RHBDD2: variants seen among roughly 807,000 people sequenced by gnomAD.
The protein encoded by RHBDD2 is rhomboid domain-containing protein 2.
A neutral mutation model predicts 21.7 loss-of-function variants in RHBDD2; 13 were observed. The ratio of observed to expected loss-of-function variants is 0.60; its 90% CI spans 0.39 to 0.95. The LOEUF (loss-of-function observed/expected upper bound fraction) is 0.95. Ranked by LOEUF, RHBDD2 falls within the 40% of genes least tolerant of loss-of-function variation. The pLI is 0.00. For missense variants in RHBDD2, 473 were observed against 478.9 expected (o/e 0.99, Z 0.11); for synonymous variants, 225 against 220.0 (o/e 1.02, Z -0.20).
rs371344778 is a variant in RHBDD2, at chr7:75,883,792, C to A, written c.681C>A (p.Ser227=). The A allele has an allele frequency of 6.2e-7, 1 of 1,613,872 alleles. No individual in the cohort carries two copies. Among genetic ancestry groups the A allele is most frequent in the Admixed American group, 1.7e-5 (1 of 59,966 alleles). Residue 227 remains serine, a synonymous_variant, in exon 3 of 4, where the codon TCC becomes TCA. Transcript: ENST00000006777. The stretch of plus-strand genomic sequence containing the variant: ...CCTTCAGCCTGATGAGGAGGATATC[C>A]GTGTTCAAGTACGTCTCAGGGTCTT... ...TFPFSLMRRI[S]VFKYVSGSSA...
intron 3 of RHBDD2, among the ~76,000 whole-genome samples, chr7:75,887,639 T>C (rs1805760012): frequency 6.6e-6 from 1 of 152,038 alleles, no homozygotes; most frequent in African/African-American, 2.4e-5. Flanking sequence ...CCGTTCTCTT[T>C]GGGCAGAATT....
chr7:75,885,994 G>T (rs1805642142), intron 3 of RHBDD2, among the ~76,000 whole-genome samples: 1 of 152,128 alleles, frequency 6.6e-6, no homozygotes, highest in African/African-American at 2.4e-5. Flanking sequence ...AGCCTCCCAA[G>T]TACTTGGAAT....
intron 1 of RHBDD2, among the ~76,000 whole-genome samples, chr7:75,880,873 A>G (rs782664453): frequency 5.3e-5 from 8 of 152,112 alleles, no homozygotes; most frequent in Admixed American, 2.6e-4. Flanking sequence ...CTACAAGTAC[A>G]CATCATCACA....
Position 75,879,605 on chromosome 7 carries a change from C to T in RHBDD2, c.178+345C>T, listed in dbSNP as rs1219881379. Among the ~76,000 whole-genome samples the T allele has an allele frequency of 2.6e-5, 4 of 152,248 alleles. No homozygotes were observed. In the South Asian group the frequency reaches 8.3e-4, roughly 32 times the overall value. On this transcript the variant is annotated intron_variant, in intron 1 of 3. Transcript: ENST00000006777. Reference sequence around the variant, plus strand: ...CAAGGGTAAAGATTTTTCGTCTCCCCCTCCCATTTCACATACACACCTACG... The same window carrying T: ...CAAGGGTAAAGATTTTTCGTCTCCCTCTCCCATTTCACATACACACCTACG...
At chr7:75,880,489 G>C (rs1359440006) in intron 1 of RHBDD2, among the ~76,000 whole-genome samples, 1 of 152,116 alleles carries the variant, frequency 6.6e-6, no homozygotes, top group Non-Finnish European at 1.5e-5. Context: ...GTGAGCGTTA[G>C]AGACGTAAGG....
chr7:75,887,318 A>C (rs565659794), intron 3 of RHBDD2, among the ~76,000 whole-genome samples: 199 of 149,624 alleles, frequency 1.3e-3, no homozygotes, highest in African/African-American at 4.6e-3. Flanking sequence ...AAAAAAAAAA[A>C]AAACAATTTT....
At position 75,881,817 on chromosome 7, in the gene RHBDD2, CT is replaced by C. The variant is rs1197072695; in HGVS notation, c.179-11del. 1.0e-5 allele frequency: 16 copies of C among 1,584,128 alleles called. No homozygotes were observed. The African/African-American group carries it at 1.5e-4, about 15-fold the overall frequency. On this transcript the variant is annotated splice_polypyrimidine_tract_variant and intron_variant, in intron 1 of 3. Coordinates refer to ENST00000006777, the MANE Select transcript of RHBDD2 (RefSeq NM_001040456.3). The stretch of plus-strand genomic sequence containing the variant: ...ACCCGCCGCCAGGCCTCTAACCCGA[CT>C]CCCTCTGCAGTTTACAGGCTGGTAA...
intron 1 of RHBDD2, chr7:75,881,405 T>C (rs1554542447): frequency 7.7e-7 from 1 of 1,293,708 alleles, no homozygotes; most frequent in Admixed American, 2.3e-5. Context: ...CAGAGGAGAC[T>C]GGCACACAGA....
At chr7:75,881,175 A>C (rs1472330438) in intron 1 of RHBDD2, among the ~76,000 whole-genome samples, 1 of 152,198 alleles carries the variant, frequency 6.6e-6, no homozygotes, top group Non-Finnish European at 1.5e-5. Flanking sequence ...TCTACAAATA[A>C]AAATTTAAAA....
At chr7:75,885,837 G>T (rs937491465) in intron 3 of RHBDD2, among the ~76,000 whole-genome samples, 1 of 152,108 alleles carries the variant, frequency 6.6e-6, no homozygotes, top group Non-Finnish European at 1.5e-5. Flanking sequence ...CTCCCACTGA[G>T]CTCCACCTCT....
intron 3 of RHBDD2, among the ~76,000 whole-genome samples, chr7:75,887,421 G>A (rs1401575168): frequency 1.3e-5 from 2 of 151,030 alleles, no homozygotes; most frequent in East Asian, 1.9e-4. Context: ...AGGTTCAAGC[G>A]ATTCTCCTGC....
intron 1 of RHBDD2, chr7:75,881,589 T>TA: frequency 7.9e-7 from 1 of 1,268,466 alleles, no homozygotes; most frequent in Non-Finnish European, 1.1e-6. Context: ...GGAAGTCAGT[T>TA]ACCGCTAAGA....
At chr7:75,881,574 C>T in intron 1 of RHBDD2, 1 of 1,342,678 alleles carries the variant, frequency 7.4e-7, no homozygotes, top group Non-Finnish European at 9.8e-7. Flanking sequence ...TATTTTTTTC[C>T]CTCTGGAAGT....
chr7:75,886,048 A>C (rs1805645484), intron 3 of RHBDD2, among the ~76,000 whole-genome samples: 1 of 152,176 alleles, frequency 6.6e-6, no homozygotes, highest in Admixed American at 6.5e-5. Context: ...CCATTTCAGC[A>C]CATGATTTGG....
chr7:75,880,539 G>A (rs1488810289), intron 1 of RHBDD2, among the ~76,000 whole-genome samples: 4 of 152,106 alleles, frequency 2.6e-5, no homozygotes, highest in Non-Finnish European at 5.9e-5. Context: ...TTACTTTACA[G>A]TGAGGAAACT....
rs1805810289 is a variant in RHBDD2, at chr7:75,888,245, C to T, written c.991C>T (p.Gln331Ter). 1.2e-6 allele frequency: 2 copies of T among 1,613,816 alleles called. No individual in the cohort carries two copies. Among genetic ancestry groups the T allele is most frequent in the Non-Finnish European group, 1.7e-6 (2 of 1,180,036 alleles). ...TTCTGCGGGCACCTCCCTGGGCATC[C>T]AGCCCCCCACGCCTGTGAACAGCCC... Reference protein sequence around the residue: ...PASAGTSLGIQPPTPVNSPGT... With the variant: ...PASAGTSLGI The change falls in exon 4 of 4, where the codon CAG becomes TAG. Residue 331 changes from glutamine to a stop codon, truncating the protein, a stop_gained. Transcript: ENST00000006777. LOFTEE classifies it low-confidence loss of function (END_TRUNC).
chr7:75,887,798 A>G (rs1585064332), intron 3 of RHBDD2, among the ~76,000 whole-genome samples, 194 bp from the exon 4 acceptor site: 1 of 152,244 alleles, frequency 6.6e-6, no homozygotes, highest in African/African-American at 2.4e-5. Context: ...CAGGACTGCA[A>G]CTGGCCCCAC....
At chr7:75,887,134 A>AT (rs528254017) in intron 3 of RHBDD2, among the ~76,000 whole-genome samples, 20,815 of 124,246 alleles carry the variant, frequency 0.17, 2,217 homozygotes, top group African/African-American at 0.22. Context: ...TTGATAGATA[A>AT]TTTTTTTTTT....
In RHBDD2 at chr7:75,879,236, T is replaced by G. The variant is rs1554542000; in HGVS notation, c.154T>G (p.Ser52Ala). Residue 52 changes from serine to alanine, a missense_variant, in exon 1 of 4, where the codon TCC becomes GCC. Ser to Ala is a moderately conservative substitution (Grantham distance 99). Transcript: ENST00000006777. The part of the protein sequence containing the change: ...PLAPSGLTLK[S>A]EALRNWQVYR... ...GGCGCCCTCGGGCCTCACGCTGAAG[T>G]CCGAGGCCCTTCGCAACTGGCAAGG... The G allele has an allele frequency of 6.6e-7, 1 of 1,518,942 alleles. No individual in the cohort carries two copies. Among genetic ancestry groups the G allele is most frequent in the Non-Finnish European group, 8.8e-7 (1 of 1,132,492 alleles). 94.1% of individuals were successfully genotyped at this position (1,518,942 alleles called of 1,614,324 possible).
Sources: gnomAD v4.1 joint callset for allele counts (sites outside exome capture counted in the v4.1 genomes callset) on GRCh38, gnomAD v4.1.1 for gene constraint, MANE v1.5 for transcripts, NCBI Gene and HGNC (gene_info 2026-07-23, HGNC 2026-07-21) for gene names.